Variants in ZDHHC2 observed in about 807,000 individuals in gnomAD.
The protein encoded by ZDHHC2 is palmitoyltransferase ZDHHC2.
Under a neutral mutation model 55.6 loss-of-function variants are expected in ZDHHC2, and 51 were observed. That is an observed-to-expected ratio of 0.92 (90% CI 0.73 to 1.16). The LOEUF (loss-of-function observed/expected upper bound fraction) is 1.16. Among genes scored for constraint, ZDHHC2 ranks in the 50% most tolerant of loss-of-function variants. ZDHHC2 has a pLI of 0.00. For missense variants in ZDHHC2, 491 were observed against 442.4 expected, an observed-to-expected ratio of 1.11 and a Z score of -0.99; for synonymous variants, 199 against 152.9, an observed-to-expected ratio of 1.30 and a Z score of -2.22.
chr8:17,213,341 T>C (rs1585740474), intron 10 of ZDHHC2, among the ~76,000 whole-genome samples: 1 of 151,900 alleles, frequency 6.6e-6, no homozygotes, highest in Non-Finnish European at 1.5e-5. Context: ...GCAACCTCTG[T>C]CTCCCAGGTT....
intron 4 of ZDHHC2, 104 bp from the exon 5 acceptor site, chr8:17,197,478 C>G (rs139022654): frequency 2.0e-6 from 2 of 985,450 alleles, no homozygotes; most frequent in African/African-American, 3.3e-5. Context: ...ATTTAAATTT[C>G]ATATGCTTTT....
intron 1 of ZDHHC2, among the ~76,000 whole-genome samples, chr8:17,167,494 G>A (rs549841405): frequency 6.6e-6 from 1 of 151,772 alleles, no homozygotes; most frequent in East Asian, 1.9e-4. Context: ...TTGTAGAGAC[G>A]GGGTTTCCGC....
Position 17,215,354 on chromosome 8 carries a change from G to A in ZDHHC2, c.1063+5G>A. 1 of 1,567,292 alleles carries A rather than the reference G, an allele frequency of 6.4e-7. No individual in the cohort carries two copies. Among genetic ancestry groups the A allele is most frequent in the East Asian group, 2.3e-5 (1 of 42,704 alleles). ...ACCCAGGAAAATGCAAAGCTGGTAA[G>A]GGTGTGCTTGTTTGGCTGTTTTTTG... is the stretch of plus-strand genomic sequence containing the variant. On this transcript the variant is annotated splice_donor_5th_base_variant and intron_variant, in intron 11 of 12. Transcript: ENST00000262096.
Position 17,166,889 on chromosome 8 carries a change from T to C in ZDHHC2, c.130+10036T>C, listed in dbSNP as rs565015502. On this transcript the variant is annotated intron_variant, in intron 1 of 12. Coordinates refer to ENST00000262096, the MANE Select transcript of ZDHHC2 (RefSeq NM_016353.5). Reference sequence around the variant, plus strand: ...GACTCTGATGACTTTCAATGTAATTTACAAGGTTACCAAAAAGAATCTCGT... The same window carrying C: ...GACTCTGATGACTTTCAATGTAATTCACAAGGTTACCAAAAAGAATCTCGT... Among the ~76,000 whole-genome samples, 14 of 152,316 alleles carry C rather than the reference T, an allele frequency of 9.2e-5. No individual in the cohort carries two copies. The East Asian group carries it at 2.7e-3, about 29-fold the overall frequency.
Position 17,199,515 on chromosome 8 carries a change from G to GTCT in ZDHHC2, c.476+1105_476+1107dup, listed in dbSNP as rs1217120221. On this transcript the variant is annotated intron_variant, in intron 6 of 12. Coordinates refer to ENST00000262096, the MANE Select transcript of ZDHHC2 (RefSeq NM_016353.5). Reference sequence around the variant, plus strand: ...CTTCTTCTTCTTCTTCTTCTTCTTCGTCTTCGTCTTCGTCTTCTGTCTTCG... The same window carrying GTCT: ...CTTCTTCTTCTTCTTCTTCTTCTTCGTCTTCTTCGTCTTCGTCTTCTGTCTTCG... Among the ~76,000 whole-genome samples, 33 of 35,418 alleles carry GTCT rather than the reference G, an allele frequency of 9.3e-4. No homozygotes were observed. In the South Asian group the frequency reaches 0.01, roughly 11 times the overall value. The allele number at this position is 35,418 out of a possible 152,430, so 23.2% of individuals were successfully genotyped here. A position where few individuals can be genotyped will look rare whatever the true frequency, so the allele number is the denominator to read the frequency against.
At chr8:17,181,103 C>T (rs925640664) in intron 1 of ZDHHC2, among the ~76,000 whole-genome samples, 1 of 152,182 alleles carries the variant, frequency 6.6e-6, no homozygotes, top group African/African-American at 2.4e-5. Context: ...GTGTGCTAAG[C>T]TAACATGGTA....
intron 10 of ZDHHC2, among the ~76,000 whole-genome samples, chr8:17,212,049 A>G (rs1807413804): frequency 6.6e-6 from 1 of 152,142 alleles, no homozygotes; most frequent in Admixed American, 6.6e-5. Context: ...ATTTGGGAGA[A>G]ATCTTAGTTC....
At chr8:17,178,689 G>C (rs1029793066) in intron 1 of ZDHHC2, among the ~76,000 whole-genome samples, 2 of 152,192 alleles carry the variant, frequency 1.3e-5, no homozygotes, top group African/African-American at 2.4e-5. Context: ...AGTCAAAAGA[G>C]ATAAGGGAGG....
At chr8:17,156,989 C>A in intron 1 of ZDHHC2, 136 bp downstream of exon 1, 1 of 823,796 alleles carries the variant, frequency 1.2e-6, no homozygotes, top group Non-Finnish European at 1.7e-6. Context: ...CCCGCCGGCT[C>A]CGCCGCTAAA....
At chr8:17,213,378 C>A (rs1807482875) in intron 10 of ZDHHC2, among the ~76,000 whole-genome samples, 1 of 151,968 alleles carries the variant, frequency 6.6e-6, no homozygotes, top group African/African-American at 2.4e-5. Context: ...CTCAGCCTCC[C>A]CAGTAGCTGG....
chr8:17,189,485 C>T (rs1805909397), intron 3 of ZDHHC2, among the ~76,000 whole-genome samples: 1 of 152,150 alleles, frequency 6.6e-6, no homozygotes, highest in South Asian at 2.1e-4. Context: ...CAGTGTCTGA[C>T]CTATAGAAGG....
At chr8:17,173,404 G>A (rs1040801200) in intron 1 of ZDHHC2, among the ~76,000 whole-genome samples, 1 of 152,098 alleles carries the variant, frequency 6.6e-6, no homozygotes, top group East Asian at 1.9e-4. Context: ...GGCCGGGTGC[G>A]GTGGCTCATG....
chr8:17,188,882 C>T (rs896100244), intron 3 of ZDHHC2, among the ~76,000 whole-genome samples: 8 of 152,280 alleles, frequency 5.3e-5, no homozygotes, highest in African/African-American at 1.4e-4. Flanking sequence ...CAGTTTCACT[C>T]TTCTGTTCAG....
At chr8:17,193,587 G>C (rs1336752484) in intron 3 of ZDHHC2, among the ~76,000 whole-genome samples, 3 of 152,198 alleles carry the variant, frequency 2.0e-5, no homozygotes, top group African/African-American at 7.2e-5. Flanking sequence ...CAGTCAGTAG[G>C]TAGCAAAGTC....
At chr8:17,199,636 TTC>T (rs1585713367) in intron 6 of ZDHHC2, among the ~76,000 whole-genome samples, 25 of 75,414 alleles carry the variant, frequency 3.3e-4, no homozygotes, top group East Asian at 1.6e-3. Context: ...TTTCTTCTTC[TTC>T]TCCTCCTCCT....
chr8:17,192,672 G>C (rs1806093820), intron 3 of ZDHHC2, among the ~76,000 whole-genome samples: 1 of 152,174 alleles, frequency 6.6e-6, no homozygotes, highest in South Asian at 2.1e-4. Flanking sequence ...CTGTGCTTGT[G>C]AGGTATGATT....
intron 12 of ZDHHC2, 139 bp downstream of exon 12, chr8:17,217,385 T>C (rs1585746927): frequency 1.6e-6 from 1 of 633,276 alleles, no homozygotes; most frequent in East Asian, 3.1e-5. Context: ...TGAGATTGCA[T>C]TAGCCATGCT....
chr8:17,197,962 C>A (rs1404468622), intron 5 of ZDHHC2, among the ~76,000 whole-genome samples: 1 of 152,174 alleles, frequency 6.6e-6, no homozygotes, highest in African/African-American at 2.4e-5. Context: ...ACTCAGTTGA[C>A]TTCAGGACAG....
chr8:17,199,503 T>TTCGTCG (rs1402172161), intron 6 of ZDHHC2, among the ~76,000 whole-genome samples: 3 of 63,158 alleles, frequency 4.7e-5, no homozygotes, highest in Admixed American at 1.3e-4. Flanking sequence ...CTTCTTCTTC[T>TTCGTCG]TCTTCTTCTT....
Sources: allele counts gnomAD v4.1 joint callset (sites outside exome capture counted in the v4.1 genomes callset), GRCh38; gene constraint gnomAD v4.1.1; transcripts MANE v1.5; gene names NCBI Gene and HGNC (gene_info 2026-07-23, HGNC 2026-07-21).